ESR1: variants seen among roughly 807,000 people sequenced by gnomAD.
ESR1 encodes the protein estrogen receptor 1.
In ESR1, 12 loss-of-function variants were observed where a neutral mutation model predicts 52.7. The ratio of observed to expected loss-of-function variants is 0.23; its 90% CI spans 0.15 to 0.37. ESR1 has a LOEUF of 0.37. Ranked by LOEUF, ESR1 falls within the 10% of genes least tolerant of loss-of-function variation. The pLI, the probability that ESR1 is intolerant of heterozygous loss-of-function variation, is 1.00. For missense variants in ESR1, 584 were observed against 779.7 expected, an observed-to-expected ratio of 0.75 and a Z score of 2.99; for synonymous variants, 305 against 316.8, an observed-to-expected ratio of 0.96 and a Z score of 0.39.
intron 4 of ESR1, among the ~76,000 whole-genome samples, chr6:151,970,074 T>C (rs2038745579): frequency 6.6e-6 from 1 of 152,138 alleles, no homozygotes; most frequent in Admixed American, 6.6e-5. Flanking sequence ...CCGTTATTTC[T>C]TCCCTCTGCC....
At chr6:151,674,279 G>C (rs1336935290) in intron 1 of ESR1, among the ~76,000 whole-genome samples, 1 of 152,176 alleles carries the variant, frequency 6.6e-6, no homozygotes, top group African/African-American at 2.4e-5. Flanking sequence ...AGAACATGCA[G>C]TGGTTGGTTT....
chr6:152,048,233 G>C (rs765076683), intron 5 of ESR1, among the ~76,000 whole-genome samples: 20 of 151,754 alleles, frequency 1.3e-4, no homozygotes, highest in Admixed American at 1.1e-3. Context: ...TTAGCCAGGC[G>C]TGGTGGCATG....
intron 3 of ESR1, among the ~76,000 whole-genome samples, chr6:151,896,984 T>G (rs1026147659): frequency 9.2e-5 from 14 of 152,242 alleles, no homozygotes; most frequent in African/African-American, 3.1e-4. Context: ...TGTATTTGCA[T>G]GTTTTGGAAG....
chr6:151,772,087 C>T (rs1036490429), intron 2 of ESR1, among the ~76,000 whole-genome samples: 1 of 152,176 alleles, frequency 6.6e-6, no homozygotes, highest in South Asian at 2.1e-4. Flanking sequence ...AAATGCAACA[C>T]GCAAGGCTTT....
chr6:151,732,848 C>A (rs887794216), intron 2 of ESR1, among the ~76,000 whole-genome samples: 1 of 152,106 alleles, frequency 6.6e-6, no homozygotes, highest in African/African-American at 2.4e-5. Context: ...GAGATGGCTG[C>A]CTTTTGGACA....
intron 2 of ESR1, among the ~76,000 whole-genome samples, chr6:151,760,713 G>A (rs762746309): frequency 3.3e-5 from 5 of 152,034 alleles, no homozygotes; most frequent in African/African-American, 1.2e-4. Context: ...CTTCCCCATC[G>A]CAACCCATGA....
At chr6:152,120,615 G>A (rs2051297887) in intron 6 of ESR1, among the ~76,000 whole-genome samples, 1 of 152,140 alleles carries the variant, frequency 6.6e-6, no homozygotes, top group Admixed American at 6.5e-5. Context: ...GTCCTGTGGG[G>A]CAGGCAAGGA....
chr6:151,843,285 A>G (rs1006205619), intron 2 of ESR1, among the ~76,000 whole-genome samples: 1 of 152,086 alleles, frequency 6.6e-6, no homozygotes, highest in Non-Finnish European at 1.5e-5. Context: ...TCTTGTCTCA[A>G]TGGATGACAG....
chr6:151,805,226 CAG>C (rs2128148104), upstream of ESR1: 1 of 152,298 alleles, frequency 6.6e-6, no homozygotes, highest in African/African-American at 2.4e-5. Context: ...TGCCTCTGTT[CAG>C]AGACTGGGGG....
At chr6:151,979,553 C>A (rs1242087825) in intron 4 of ESR1, among the ~76,000 whole-genome samples, 1 of 152,020 alleles carries the variant, frequency 6.6e-6, no homozygotes, top group Non-Finnish European at 1.5e-5. Flanking sequence ...GAAATACAAT[C>A]ATATAAAATC....
intron 3 of ESR1, among the ~76,000 whole-genome samples, chr6:151,912,157 A>G (rs1300722103): frequency 6.6e-6 from 1 of 152,186 alleles, no homozygotes; most frequent in Admixed American, 6.5e-5. Context: ...GAAACATTGA[A>G]ATGGAGAGGT....
chr6:152,103,328 A>T (rs940366006), downstream of ESR1: 1 of 172,878 alleles, frequency 5.8e-6, no homozygotes, highest in Non-Finnish European at 1.3e-5. Flanking sequence ...TTCACCACTG[A>T]TCCTCTAAAA....
At chr6:151,854,282 C>A (rs1479171587) in intron 2 of ESR1, among the ~76,000 whole-genome samples, 5 of 152,042 alleles carry the variant, frequency 3.3e-5, no homozygotes. Flanking sequence ...CTTTGTAAAA[C>A]TTGTTCTGGC....
chr6:151,949,907 C>T (rs1470039679), intron 4 of ESR1, among the ~76,000 whole-genome samples: 1 of 152,202 alleles, frequency 6.6e-6, no homozygotes, highest in Non-Finnish European at 1.5e-5. Flanking sequence ...GGTTCTGTGT[C>T]AGTGAGTGAT....
At chr6:151,918,767 T>G (rs760021007) in intron 3 of ESR1, among the ~76,000 whole-genome samples, 1 of 152,218 alleles carries the variant, frequency 6.6e-6, no homozygotes, top group Non-Finnish European at 1.5e-5. Context: ...TTAACAGATT[T>G]GTTCCAAACT....
chr6:151,825,910 CA>C (rs3996305), intron 1 of ESR1, among the ~76,000 whole-genome samples: 2,657 of 78,024 alleles, frequency 0.034, 43 homozygotes, highest in African/African-American at 0.11. Flanking sequence ...GACTCCATCT[CA>C]AAAAAAAAAA....
At chr6:151,874,933 T>C (rs1791561743) in intron 2 of ESR1, among the ~76,000 whole-genome samples, 1 of 152,244 alleles carries the variant, frequency 6.6e-6, no homozygotes, top group South Asian at 2.1e-4. Context: ...AAATCATTAT[T>C]AGTAAAATGA....
intron 4 of ESR1, among the ~76,000 whole-genome samples, chr6:152,008,080 C>T (rs1308401278): frequency 6.6e-6 from 1 of 152,090 alleles, no homozygotes; most frequent in Non-Finnish European, 1.5e-5. Context: ...GAACTGAAGG[C>T]ATCTCATGGA....
chr6:151,710,067 TTAAA>T, intron 2 of ESR1, among the ~76,000 whole-genome samples: 1 of 152,146 alleles, frequency 6.6e-6, no homozygotes, highest in East Asian at 1.9e-4. Context: ...ACATCACATG[TTAAA>T]TAATCTTTTC....
Sources: allele counts gnomAD v4.1 joint callset (sites outside exome capture counted in the v4.1 genomes callset), GRCh38; gene constraint gnomAD v4.1.1; transcripts MANE v1.5; gene names NCBI Gene and HGNC (gene_info 2026-07-23, HGNC 2026-07-21).